The following LHFPL3 variants were observed in gnomAD, a reference collection of about 807,000 sequenced individuals.
The protein encoded by LHFPL3 is LHFPL tetraspan subfamily member 3, also known as LHFPL tetraspan subfamily member 3 protein.
Under a neutral mutation model 19.3 loss-of-function variants are expected in LHFPL3, and 5 were observed. The ratio of observed to expected loss-of-function variants is 0.26; its 90% CI spans 0.14 to 0.54. LHFPL3 has a LOEUF of 0.54. Among genes scored for constraint, LHFPL3 ranks in the 20% least tolerant of loss-of-function variants. The pLI, the probability that LHFPL3 is intolerant of heterozygous loss-of-function variation, is 0.94. For missense variants in LHFPL3, 249 were observed against 307.4 expected, an observed-to-expected ratio of 0.81 and a Z score of 1.42; for synonymous variants, 133 against 126.2, an observed-to-expected ratio of 1.05 and a Z score of -0.36.
At chr7:104,812,112 G>C (rs1005912775) in intron 2 of LHFPL3, among the ~76,000 whole-genome samples, 2 of 152,174 alleles carry the variant, frequency 1.3e-5, no homozygotes, top group Non-Finnish European at 2.9e-5. Context: ...TCTGTTTGTT[G>C]TCAATGCTGT....
chr7:104,618,398 A>T (rs929660), intron 1 of LHFPL3, among the ~76,000 whole-genome samples: 138,477 of 152,178 alleles, frequency 0.91, 63,404 homozygotes, highest in Non-Finnish European at 0.96. Flanking sequence ...ACAGATGAGG[A>T]GATTGAGGCA....
At chr7:104,625,134 T>C (rs561481297) in intron 1 of LHFPL3, among the ~76,000 whole-genome samples, 35 of 152,242 alleles carry the variant, frequency 2.3e-4, no homozygotes, top group Non-Finnish European at 4.7e-4. Context: ...TTGGACAAAC[T>C]CTTCACTAAC....
chr7:104,617,292 T>C (rs1285267406), intron 1 of LHFPL3, among the ~76,000 whole-genome samples: 1 of 152,128 alleles, frequency 6.6e-6, no homozygotes, highest in African/African-American at 2.4e-5. Context: ...TCAAACTTTC[T>C]AGCCACCAAG....
chr7:104,400,145 A>AAAAAAAAAC (rs1791285890), intron 1 of LHFPL3, among the ~76,000 whole-genome samples: 2 of 112,072 alleles, frequency 1.8e-5, no homozygotes, highest in South Asian at 2.9e-4. Flanking sequence ...AAAAAAAAAA[A>AAAAAAAAAC]AAGACTCTAC....
Position 104,328,738 on chromosome 7 carries a change from CGGAGGACCAGGAGGAGGAGGAGGA to C in LHFPL3, c.-35_-12del, listed in dbSNP as rs1156986802. ...CTGCGCGCTGAGAGGCGGGGGGAGG[CGGAGGACCAGGAGGAGGAGGAGGA>C]GGAGGAGGAGGGGGAGAATGCCCGG... is the stretch of plus-strand genomic sequence containing the variant. On this transcript the variant is annotated 5_prime_UTR_variant, in exon 1 of 3. Coordinates refer to ENST00000424859, the MANE Select transcript of LHFPL3 (RefSeq NM_199000.3). This position sits in a 1 kb window ranked among gnomAD's most constrained non-coding sequence, Gnocchi z 4.6. 2.7e-6 allele frequency: 4 copies of C among 1,497,620 alleles called. No individual in the cohort carries two copies. The highest frequency in any genetic ancestry group is 1.5e-5 in the African/African-American group (1 of 67,160). 92.8% of individuals were successfully genotyped at this position (1,497,620 alleles called of 1,614,324 possible).
intron 1 of LHFPL3, among the ~76,000 whole-genome samples, chr7:104,502,621 C>A (rs1170032001): frequency 6.6e-6 from 1 of 152,102 alleles, no homozygotes; most frequent in Admixed American, 6.5e-5. Context: ...CTGTGTTCTA[C>A]CTGCCCCCCA....
chr7:104,820,017 G>A (rs1038532365), intron 2 of LHFPL3, among the ~76,000 whole-genome samples: 1 of 152,170 alleles, frequency 6.6e-6, no homozygotes, highest in Non-Finnish European at 1.5e-5. Context: ...ATTTCCTTGT[G>A]TGTTTCACAG....
chr7:104,563,673 G>C (rs929858015), intron 1 of LHFPL3, among the ~76,000 whole-genome samples: 1 of 152,244 alleles, frequency 6.6e-6, no homozygotes, highest in East Asian at 1.9e-4. Flanking sequence ...GCTGTAGACC[G>C]GAGCTGTTCC....
intron 2 of LHFPL3, among the ~76,000 whole-genome samples, chr7:104,780,813 C>T (rs1794705754): frequency 6.6e-6 from 1 of 152,192 alleles, no homozygotes; most frequent in African/African-American, 2.4e-5. Flanking sequence ...CAAGCCACAT[C>T]CTGCAGACCC....
chr7:104,442,615 TTGA>T (rs1792249677), intron 1 of LHFPL3, among the ~76,000 whole-genome samples: 1 of 152,218 alleles, frequency 6.6e-6, no homozygotes, highest in African/African-American at 2.4e-5. Flanking sequence ...GGTTTTTAGG[TTGA>T]TGATTCTCTG....
At chr7:104,715,849 T>A (rs946499092) in intron 1 of LHFPL3, among the ~76,000 whole-genome samples, 8 of 152,208 alleles carry the variant, frequency 5.3e-5, no homozygotes, top group Admixed American at 6.5e-5. Context: ...CAGCCTACAG[T>A]TTTCTTTCCT....
At chr7:104,532,318 C>CTTTTTTTTTTTTTTTTTTTTTTTTTTGTT (rs71155504) in intron 1 of LHFPL3, among the ~76,000 whole-genome samples, 1 of 87,230 alleles carries the variant, frequency 1.1e-5, no homozygotes, top group East Asian at 4.1e-4. Flanking sequence ...TTCTTTCTGT[C>CTTTTTTTTTTTTTTTTTTTTTTTTTTGTT]TTTTTTTTTT....
intron 1 of LHFPL3, among the ~76,000 whole-genome samples, chr7:104,352,714 A>T (rs1235072336): frequency 6.6e-6 from 1 of 152,254 alleles, no homozygotes; most frequent in Non-Finnish European, 1.5e-5. Context: ...GCAGAGAACA[A>T]TAAGTCTGTT....
chr7:104,639,044 C>A (rs566062820), intron 1 of LHFPL3, among the ~76,000 whole-genome samples: 1 of 152,104 alleles, frequency 6.6e-6, no homozygotes, highest in Non-Finnish European at 1.5e-5. Flanking sequence ...GGATTACAGG[C>A]CCACCATGCC....
At chr7:104,843,558 A>G (rs1791254075) in intron 2 of LHFPL3, among the ~76,000 whole-genome samples, 1 of 152,210 alleles carries the variant, frequency 6.6e-6, no homozygotes, top group Non-Finnish European at 1.5e-5. Flanking sequence ...CTGACACCCA[A>G]CTTCATATAA....
At chr7:104,648,940 C>CA (rs1346872499) in intron 1 of LHFPL3, among the ~76,000 whole-genome samples, 1 of 152,236 alleles carries the variant, frequency 6.6e-6, no homozygotes, top group Non-Finnish European at 1.5e-5. Context: ...CGCCATCCAA[C>CA]ACAAACCATA....
chr7:104,853,348 A>AC (rs1180211725), intron 2 of LHFPL3, among the ~76,000 whole-genome samples: 2 of 151,378 alleles, frequency 1.3e-5, no homozygotes, highest in African/African-American at 4.9e-5. Context: ...GATCCTAAGT[A>AC]CCCCCATGCC....
chr7:104,603,291 G>A (rs1562947621), intron 1 of LHFPL3, among the ~76,000 whole-genome samples: 1 of 151,544 alleles, frequency 6.6e-6, no homozygotes, highest in Admixed American at 6.6e-5. Context: ...GACTTCCAAG[G>A]CCCAAGCAGT....
At chr7:104,431,350 C>T (rs1203409193) in intron 1 of LHFPL3, among the ~76,000 whole-genome samples, 3 of 152,162 alleles carry the variant, frequency 2.0e-5, no homozygotes, top group Admixed American at 2.0e-4. Context: ...ATAGTACTGT[C>T]TATGTTTCCC....
Sources: allele counts gnomAD v4.1 joint callset (sites outside exome capture counted in the v4.1 genomes callset), GRCh38; gene constraint gnomAD v4.1.1; non-coding constraint Gnocchi (gnomAD v3.1); transcripts MANE v1.5; gene names NCBI Gene and HGNC (gene_info 2026-07-23, HGNC 2026-07-21).